The following CAMKMT variants were observed in gnomAD, a reference collection of about 807,000 sequenced individuals.
The protein encoded by CAMKMT is calmodulin-lysine N-methyltransferase.
CAMKMT carries 53 observed loss-of-function variants against 48.0 expected under a neutral mutation model. The ratio of observed to expected loss-of-function variants is 1.10; its 90% CI spans 0.89 to 1.39. The LOEUF is 1.39. Ranked by LOEUF, CAMKMT falls within the 40% of genes most tolerant of loss-of-function variation. CAMKMT has a pLI of 0.00. For missense variants in CAMKMT, 428 were observed against 402.7 expected, an observed-to-expected ratio of 1.06 and a Z score of -0.54; for synonymous variants, 165 against 152.3, an observed-to-expected ratio of 1.08 and a Z score of -0.61.
intron 2 of CAMKMT, among the ~76,000 whole-genome samples, chr2:44,388,025 T>A (rs113741519): frequency 1.3e-5 from 2 of 152,218 alleles, no homozygotes; most frequent in African/African-American, 4.8e-5. Context: ...GATCCTTTTG[T>A]GATGAATTTC....
At chr2:44,395,426 A>G (rs996162996) in intron 3 of CAMKMT, among the ~76,000 whole-genome samples, 3 of 152,138 alleles carry the variant, frequency 2.0e-5, no homozygotes, top group East Asian at 1.9e-4. Context: ...ATATACATGT[A>G]TGCATTGTAT....
intron 3 of CAMKMT, among the ~76,000 whole-genome samples, chr2:44,607,957 C>T (rs1671381322): frequency 6.6e-6 from 1 of 151,988 alleles, no homozygotes; most frequent in African/African-American, 2.4e-5. Flanking sequence ...TATCTCCATT[C>T]ACCACCCTTC....
intron 3 of CAMKMT, among the ~76,000 whole-genome samples, chr2:44,575,984 C>T (rs1232128154): frequency 6.6e-6 from 1 of 151,926 alleles, no homozygotes; most frequent in East Asian, 1.9e-4. Flanking sequence ...AGAGAGGGCA[C>T]AGGTGGTGAA....
intron 3 of CAMKMT, among the ~76,000 whole-genome samples, chr2:44,442,233 C>G (rs997988913): frequency 1.3e-5 from 2 of 152,138 alleles, no homozygotes; most frequent in African/African-American, 4.8e-5. Flanking sequence ...ATTTGCCTTG[C>G]AAACCCATCT....
chr2:44,369,878 C>G (rs1046079544), intron 1 of CAMKMT: 1 of 152,156 alleles, frequency 6.6e-6, no homozygotes, highest in Non-Finnish European at 1.5e-5. Flanking sequence ...ATAGTTAACA[C>G]CATCTTTCCT....
Position 44,742,473 on chromosome 2 carries a change from A to T in CAMKMT, c.624-1149A>T, listed in dbSNP as rs928668501. 2.6e-5 allele frequency among the ~76,000 whole-genome samples: 4 copies of T among 152,160 alleles called. No homozygotes were observed. The East Asian group carries it at 7.7e-4, about 29-fold the overall frequency. On this transcript the variant is annotated intron_variant, in intron 7 of 10. Coordinates refer to ENST00000378494, the MANE Select transcript of CAMKMT (RefSeq NM_024766.5). ...GTAGGAATTGGGGGTTTCTGTGTCC[A>T]TATGGCCCATCAAGCTGCCCCTGTG...
At chr2:44,475,385 T>C (rs1361718911) in intron 3 of CAMKMT, among the ~76,000 whole-genome samples, 1 of 151,978 alleles carries the variant, frequency 6.6e-6, no homozygotes, top group Non-Finnish European at 1.5e-5. Flanking sequence ...TGGCGTCATC[T>C]TGGCTCATTG....
At chr2:44,748,898 C>G (rs1265963636) in intron 8 of CAMKMT, among the ~76,000 whole-genome samples, 2 of 152,142 alleles carry the variant, frequency 1.3e-5, no homozygotes, top group African/African-American at 4.8e-5. Context: ...ATTTTAAAGA[C>G]ATACTTATAG....
chr2:44,437,625 A>T (rs1666345759), intron 3 of CAMKMT, among the ~76,000 whole-genome samples: 1 of 152,122 alleles, frequency 6.6e-6, no homozygotes, highest in Admixed American at 6.6e-5. Flanking sequence ...AGGTGGTTGG[A>T]TCATTTGCAC....
rs1412702131 is a variant in CAMKMT at position 44,587,460 on chromosome 2, G to GTCCCTC, written c.377-116813_377-116808dup. 1.6e-4 allele frequency among the ~76,000 whole-genome samples: 12 copies of GTCCCTC among 76,042 alleles called. No homozygotes were observed. The South Asian group carries it at 2.7e-3, about 17-fold the overall frequency. 49.9% of individuals were successfully genotyped at this position (76,042 alleles called of 152,430 possible). On this transcript the variant is annotated intron_variant, in intron 3 of 10. Coordinates refer to ENST00000378494, the MANE Select transcript of CAMKMT (RefSeq NM_024766.5). ...TCTCCCTCCCCCTCCCCCTCCCCCT[G>GTCCCTC]TCCCTCTCCCTCTCCGTCTCCCTCT...
intron 3 of CAMKMT, among the ~76,000 whole-genome samples, chr2:44,629,301 T>C (rs1672672371): frequency 6.6e-6 from 1 of 152,210 alleles, no homozygotes; most frequent in African/African-American, 2.4e-5. Context: ...ATATTTGTTC[T>C]TTGAAGTCCG....
intron 3 of CAMKMT, among the ~76,000 whole-genome samples, chr2:44,515,904 G>A (rs1379343381): frequency 6.6e-6 from 1 of 152,162 alleles, no homozygotes; most frequent in Non-Finnish European, 1.5e-5. Context: ...CATCAAATGG[G>A]GAGAGCACAA....
chr2:44,679,492 A>G (rs1356314404), intron 3 of CAMKMT, among the ~76,000 whole-genome samples: 4 of 152,218 alleles, frequency 2.6e-5, no homozygotes, highest in Admixed American at 2.0e-4. Flanking sequence ...AGGCTTCTAG[A>G]TGGTTTATTA....
chr2:44,705,649 C>T (rs1677511838), intron 4 of CAMKMT: 1 of 408,464 alleles, frequency 2.4e-6, no homozygotes, highest in African/African-American at 2.2e-5. Flanking sequence ...CTGGCTTAAC[C>T]ATATTATGTC....
At chr2:44,431,262 G>T (rs1067363) in intron 3 of CAMKMT, among the ~76,000 whole-genome samples, 84,389 of 151,852 alleles carry the variant, frequency 0.56, 24,839 homozygotes, top group Non-Finnish European at 0.66. Flanking sequence ...AATTTGAGAA[G>T]TGGGGTAAAT....
chr2:44,704,611 C>G (rs1677444005), intron 4 of CAMKMT, among the ~76,000 whole-genome samples: 1 of 146,168 alleles, frequency 6.8e-6, no homozygotes, highest in African/African-American at 2.6e-5. Context: ...CCACTCAAGG[C>G]ATTTTATTTC....
chr2:44,696,982 A>G (rs1676991728), intron 3 of CAMKMT, among the ~76,000 whole-genome samples: 1 of 152,160 alleles, frequency 6.6e-6, no homozygotes, highest in African/African-American at 2.4e-5. Flanking sequence ...CATTTCCAAG[A>G]AAGTAGAAAA....
intron 3 of CAMKMT, among the ~76,000 whole-genome samples, chr2:44,559,393 C>T (rs1402805617): frequency 6.6e-6 from 1 of 152,138 alleles, no homozygotes; most frequent in Non-Finnish European, 1.5e-5. Context: ...TCATCAAGAG[C>T]CTATGTGTTC....
At chr2:44,528,282 G>A (rs1404083601) in intron 3 of CAMKMT, among the ~76,000 whole-genome samples, 3 of 152,136 alleles carry the variant, frequency 2.0e-5, no homozygotes, top group African/African-American at 7.2e-5. Context: ...CAAGAAAACA[G>A]TTATTTCCTT....
Sources: allele counts gnomAD v4.1 joint callset (sites outside exome capture counted in the v4.1 genomes callset), GRCh38; gene constraint gnomAD v4.1.1; transcripts MANE v1.5; gene names NCBI Gene and HGNC (gene_info 2026-07-23, HGNC 2026-07-21).